CAT: variants seen among roughly 807,000 people sequenced by gnomAD.
CAT encodes catalase, also known as epididymis secretory sperm binding protein.
CAT carries 43 observed loss-of-function variants against 59.0 expected under a neutral mutation model. The ratio of observed to expected loss-of-function variants is 0.73; its 90% CI spans 0.57 to 0.94. The LOEUF is 0.94. CAT is among the 40% of genes least tolerant of loss of function. The pLI is 0.00. For missense variants in CAT, 664 were observed against 682.9 expected, an observed-to-expected ratio of 0.97 and a Z score of 0.31; for synonymous variants, 218 against 230.9, an observed-to-expected ratio of 0.94 and a Z score of 0.51.
chr11:34,448,952 C>G (rs1856489503), intron 1 of CAT, among the ~76,000 whole-genome samples: 1 of 152,164 alleles, frequency 6.6e-6, no homozygotes, highest in South Asian at 2.1e-4. Context: ...CCAAAATCAT[C>G]TTTCTGCTCT....
chr11:34,454,098 G>A (rs1856562176), intron 6 of CAT, among the ~76,000 whole-genome samples, 172 bp downstream of exon 6: 1 of 152,168 alleles, frequency 6.6e-6, no homozygotes, highest in African/African-American at 2.4e-5. Flanking sequence ...GCTACCATCT[G>A]AGGACCTTGG....
chr11:34,443,295 A>G lies in CAT; in HGVS notation c.66+4216A>G, dbSNP rs186498220. Among the ~76,000 whole-genome samples the G allele has an allele frequency of 8.5e-5, 13 of 152,334 alleles. No homozygotes were observed. In the East Asian group the frequency reaches 2.5e-3, roughly 29 times the overall value. Reference sequence around the variant, plus strand: ...AAACACAGTCAACCATGTGAAAGCAATTTATTGGGCGTATCTTCTGTGGTC... The same window carrying G: ...AAACACAGTCAACCATGTGAAAGCAGTTTATTGGGCGTATCTTCTGTGGTC... On this transcript the variant is annotated intron_variant, in intron 1 of 12. Coordinates refer to ENST00000241052, the MANE Select transcript of CAT (RefSeq NM_001752.4).
intron 9 of CAT, among the ~76,000 whole-genome samples, chr11:34,462,633 G>A (rs942645707): frequency 6.6e-6 from 1 of 152,120 alleles, no homozygotes; most frequent in Admixed American, 6.6e-5. Flanking sequence ...GGCCAGGCTG[G>A]TCCTGAACTC....
chr11:34,442,550 G>A (rs971739204), intron 1 of CAT, among the ~76,000 whole-genome samples: 2 of 152,134 alleles, frequency 1.3e-5, no homozygotes, highest in South Asian at 4.1e-4. Flanking sequence ...GCAGTAAGCC[G>A]AGATCCTGCC....
intron 9 of CAT, 100 bp downstream of exon 9, chr11:34,461,489 A>T: frequency 7.1e-7 from 1 of 1,415,554 alleles, no homozygotes. Flanking sequence ...GCCCCGCAGG[A>T]CCTCCTGCTT....
intron 8 of CAT, 47 bp downstream of exon 8, chr11:34,456,864 C>T (rs1349474523): frequency 1.3e-6 from 2 of 1,586,672 alleles, no homozygotes; most frequent in African/African-American, 1.3e-5. Context: ...TCCATGTGAG[C>T]ATGCACACAC....
chr11:34,470,196 G>T (rs532556967), intron 11 of CAT, among the ~76,000 whole-genome samples: 8 of 152,074 alleles, frequency 5.3e-5, no homozygotes, highest in South Asian at 2.1e-4. Context: ...TTGATAATTT[G>T]CTGGAAAGAC....
intron 12 of CAT, 49 bp from the exon 13 acceptor site, chr11:34,471,318 GT>G: frequency 3.0e-6 from 4 of 1,355,880 alleles, no homozygotes; most frequent in Non-Finnish European, 4.2e-6. Context: ...TAAATATCAC[GT>G]TGCTGCCCAT....
At chr11:34,447,068 G>T (rs1379117447) in intron 1 of CAT, among the ~76,000 whole-genome samples, 1 of 152,084 alleles carries the variant, frequency 6.6e-6, no homozygotes, top group Non-Finnish European at 1.5e-5. Context: ...TTTTTTAAAG[G>T]CTTCCTTAAA....
At chr11:34,471,092 G>A in intron 12 of CAT, 51 bp downstream of exon 12, 2 of 1,483,754 alleles carry the variant, frequency 1.3e-6, no homozygotes, top group Non-Finnish European at 1.9e-6. Context: ...CTGGGTTGGA[G>A]TAGGCATGAC....
chr11:34,470,293 A>G (rs893708225), intron 11 of CAT, among the ~76,000 whole-genome samples: 1 of 152,176 alleles, frequency 6.6e-6, no homozygotes, highest in African/African-American at 2.4e-5. Context: ...GAAGAGGGGC[A>G]TGGGGGAAGG....
At chr11:34,451,132 T>A in intron 3 of CAT, 34 bp downstream of exon 3, 1 of 1,196,768 alleles carries the variant, frequency 8.4e-7, no homozygotes, top group Non-Finnish European at 1.3e-6. Context: ...TGGTATGGCT[T>A]AACTCAACTT....
intron 4 of CAT, 103 bp from the exon 5 acceptor site, chr11:34,452,986 TA>T: frequency 1.3e-6 from 1 of 766,060 alleles, no homozygotes; most frequent in Non-Finnish European, 2.3e-6. Context: ...GGATTGTATT[TA>T]GAATTATAAT....
At chr11:34,454,830 C>T (rs1046753252) in intron 6 of CAT, among the ~76,000 whole-genome samples, 2 of 152,130 alleles carry the variant, frequency 1.3e-5, no homozygotes, top group African/African-American at 4.8e-5. Context: ...GGAGTTATGC[C>T]AGCCTGAACT....
Position 34,456,130 on chromosome 11 carries a change from G to A in CAT, c.831G>A (p.Trp277Ter). Residue 277 changes from tryptophan to a stop codon, truncating the protein, a stop_gained, in exon 7 of 13, where the codon TGG becomes TGA. Transcript: ENST00000241052. LOFTEE classifies it high-confidence loss of function. ...TTGCCACAGGAAAGTACCCCTCCTGGACTTTTTACATCCAGGTCATGACAT... is the reference window on the plus strand; with the variant it reads ...TTGCCACAGGAAAGTACCCCTCCTGAACTTTTTACATCCAGGTCATGACAT... ...NAIATGKYPS[W>*]TFYIQVMTFN... The A allele has an allele frequency of 6.2e-7, 1 of 1,614,016 alleles. No individual in the cohort carries two copies. Among genetic ancestry groups the A allele is most frequent in the South Asian group, 1.1e-5 (1 of 91,068 alleles).
At chr11:34,439,984 C>T (rs953705028) in intron 1 of CAT, among the ~76,000 whole-genome samples, 10 of 152,114 alleles carry the variant, frequency 6.6e-5, no homozygotes, top group Non-Finnish European at 1.3e-4. Context: ...GGCCTGTGCC[C>T]ACGGCTGCAG....
At chr11:34,450,446 G>A (rs1291666039) in intron 2 of CAT, among the ~76,000 whole-genome samples, 1 of 152,216 alleles carries the variant, frequency 6.6e-6, no homozygotes, top group East Asian at 1.9e-4. Flanking sequence ...CAGAAAGGAA[G>A]TTTTTCTCTT....
At chr11:34,445,608 G>A (rs1247285847) in intron 1 of CAT, among the ~76,000 whole-genome samples, 2 of 151,776 alleles carry the variant, frequency 1.3e-5, no homozygotes, top group Admixed American at 6.6e-5. Context: ...CATGAGTGGT[G>A]TGGGGCAGGG....
At chr11:34,439,125 G>A in intron 1 of CAT, 46 bp downstream of exon 1, 1 of 1,537,102 alleles carries the variant, frequency 6.5e-7, no homozygotes, top group Non-Finnish European at 8.8e-7. Context: ...CGTTTAGAAA[G>A]CGGGGGCGTC....
Sources: gnomAD v4.1 joint callset for allele counts (sites outside exome capture counted in the v4.1 genomes callset) on GRCh38, gnomAD v4.1.1 for gene constraint, MANE v1.5 for transcripts, NCBI Gene and HGNC (gene_info 2026-07-23, HGNC 2026-07-21) for gene names.